The following PGLYRP4 variants were observed in gnomAD, a reference collection of about 807,000 sequenced individuals.
PGLYRP4 encodes the protein peptidoglycan recognition protein 4.
A neutral mutation model predicts 41.2 loss-of-function variants in PGLYRP4; 39 were observed. That is an observed-to-expected ratio of 0.95 (90% CI 0.73 to 1.24). The LOEUF is 1.24. PGLYRP4 is among the 50% of genes most tolerant of loss of function. PGLYRP4 has a pLI of 0.00. For synonymous variants in PGLYRP4, 202 were observed against 186.8 expected (o/e 1.08, Z -0.66); for missense variants, 467 against 460.7 (o/e 1.01, Z -0.13).
Position 153,347,879 on chromosome 1 carries a change from C to T in PGLYRP4, c.49+5G>A, listed in dbSNP as rs746660716. ...TGCTTTTTGGCCCAGGGAAAGAAAA[C>T]TTACCCCAGGCCTGGATACCCAGAG... is the stretch of plus-strand genomic sequence containing the variant. On this transcript the variant is annotated splice_donor_5th_base_variant and intron_variant, in intron 2 of 8. Transcript: ENST00000359650. 7 of 1,611,546 alleles carry T rather than the reference C, an allele frequency of 4.3e-6. No individual in the cohort carries two copies. The highest frequency in any genetic ancestry group is 2.7e-5 in the African/African-American group (2 of 74,858).
rs893891568 is a variant in PGLYRP4 at position 153,347,682 on chromosome 1, AG to A, written c.49+201del. ...CCACCACCCCTGGCCAAGAGAGAGTAGTTTTTTTTGTTGTTGTTTGTTTGTT... is the reference window on the plus strand; with the variant it reads ...CCACCACCCCTGGCCAAGAGAGAGTATTTTTTTTGTTGTTGTTTGTTTGTT... On this transcript the variant is annotated intron_variant, in intron 2 of 8. Coordinates refer to ENST00000359650, the MANE Select transcript of PGLYRP4 (RefSeq NM_020393.4). Among the ~76,000 whole-genome samples the A allele has an allele frequency of 2.0e-5, 3 of 149,888 alleles. No homozygotes were observed. In the East Asian group the frequency reaches 6.1e-4, roughly 30 times the overall value.
intron 7 of PGLYRP4, among the ~76,000 whole-genome samples, chr1:153,338,587 A>C (rs1660663890): frequency 6.6e-6 from 1 of 152,220 alleles, no homozygotes; most frequent in East Asian, 1.9e-4. Context: ...CCTCCCCAGC[A>C]TCAGCTCTAC....
At chr1:153,335,183 A>G (rs1466993909) in intron 8 of PGLYRP4, among the ~76,000 whole-genome samples, 2 of 151,524 alleles carry the variant, frequency 1.3e-5, no homozygotes, top group Non-Finnish European at 2.9e-5. Flanking sequence ...AACAAAAACA[A>G]AAAAGACAAA....
chr1:153,343,125 A>G lies in PGLYRP4; in HGVS notation c.437T>C (p.Ile146Thr), dbSNP rs1557829822. The G allele has an allele frequency of 1.2e-6, 2 of 1,613,170 alleles. No homozygotes were observed. Among genetic ancestry groups the G allele is most frequent in the Non-Finnish European group, 1.7e-6 (2 of 1,179,246 alleles). ...QGVHTQGYNN[I>T]SLGFAFFGTK... ...GCCAAAGAAGGCAAAGCCCAGGGAG[A>G]TGTTGTTGTAGCCTTGGGTGTGCAC... is the stretch of plus-strand genomic sequence containing the variant. The change falls in exon 5 of 9, where the codon ATC becomes ACC. Residue 146 changes from isoleucine to threonine, a missense_variant. Transcript: ENST00000359650.
At chr1:153,332,530 C>A (rs1209455469) in intron 8 of PGLYRP4, among the ~76,000 whole-genome samples, 1 of 152,088 alleles carries the variant, frequency 6.6e-6, no homozygotes, top group Non-Finnish European at 1.5e-5. Flanking sequence ...ATCAAATAGA[C>A]CTAGCAGACA....
At chr1:153,336,214 T>G (rs1660552715) in intron 8 of PGLYRP4, among the ~76,000 whole-genome samples, 1 of 151,218 alleles carries the variant, frequency 6.6e-6, no homozygotes, top group African/African-American at 2.4e-5. Context: ...CTACTAAAAA[T>G]GCAAAAATTA....
intron 8 of PGLYRP4, among the ~76,000 whole-genome samples, chr1:153,335,664 G>C (rs1241234111): frequency 6.7e-6 from 1 of 150,188 alleles, no homozygotes; most frequent in Admixed American, 6.6e-5. Flanking sequence ...GGCGGAGGTT[G>C]CAGTGAGCCG....
chr1:153,347,276 T>A (rs958000271), intron 2 of PGLYRP4, among the ~76,000 whole-genome samples: 1 of 151,950 alleles, frequency 6.6e-6, no homozygotes, highest in Non-Finnish European at 1.5e-5. Context: ...CTTGACCTCC[T>A]TATCTGCATG....
At chr1:153,339,748 G>A (rs770114495) in intron 7 of PGLYRP4, among the ~76,000 whole-genome samples, 3 of 144,160 alleles carry the variant, frequency 2.1e-5, no homozygotes. Flanking sequence ...AGAATTTTGA[G>A]ACCCTTTAAG....
In PGLYRP4 at chr1:153,340,704, G is replaced by C. The variant is rs968058775; in HGVS notation, c.626-125C>G. 11 of 839,584 alleles carry C rather than the reference G, an allele frequency of 1.3e-5. No homozygotes were observed. In the African/African-American group the frequency reaches 1.9e-4, roughly 14 times the overall value. 52.0% of individuals were successfully genotyped at this position (839,584 alleles called of 1,614,324 possible). A position where few individuals can be genotyped will look rare whatever the true frequency, so the allele number is the denominator to read the frequency against. On this transcript the variant is annotated intron_variant, in intron 6 of 8. Transcript: ENST00000359650. ...CAAACCCCTCTGGGTCTCCCACCCTGCCCCCAACCACCCTGCCCCCAACAG... is the reference window on the plus strand; with the variant it reads ...CAAACCCCTCTGGGTCTCCCACCCTCCCCCCAACCACCCTGCCCCCAACAG...
At chr1:153,334,317 TATAG>T (rs997047253) in intron 8 of PGLYRP4, among the ~76,000 whole-genome samples, 1 of 151,316 alleles carries the variant, frequency 6.6e-6, no homozygotes, top group Non-Finnish European at 1.5e-5. Flanking sequence ...TATAGATAGA[TATAG>T]ATAGATAAAT....
chr1:153,340,551 C>A lies in PGLYRP4; in HGVS notation c.654G>T (p.Val218=), dbSNP rs369538592. 5 of 1,613,992 alleles carry A rather than the reference C, an allele frequency of 3.1e-6. No individual in the cohort carries two copies. Among genetic ancestry groups the A allele is most frequent in the South Asian group, 2.2e-5 (2 of 91,086 alleles). The change falls in exon 7 of 9, where the codon GTG becomes GTT. Residue 218 remains valine, a synonymous_variant. Transcript: ENST00000359650. ...GACAGTGGGTCTCCCTGGCTCCCCA[C>A]ACAGACCGTGGGACAACGCCGGGGC... ...KACPGVVPRS[V]WGARETHCPR...
intron 3 of PGLYRP4, 65 bp from the exon 4 acceptor site, chr1:153,345,447 C>G: frequency 7.0e-7 from 1 of 1,434,118 alleles, no homozygotes; most frequent in Non-Finnish European, 9.8e-7. Flanking sequence ...GCTGAACATG[C>G]AGGCATGGGC....
At position 153,330,351 on chromosome 1, in the gene PGLYRP4, T is replaced by G. The variant is rs2570440; in HGVS notation, c.*416A>C. On this transcript the variant is annotated 3_prime_UTR_variant, in exon 9 of 9. Transcript: ENST00000359650. Reference sequence around the variant, plus strand: ...CAAGTTTATGTGTAAGCAAGGAAGGTTGGTCACGTTGACCTGAGTTATGGG... The same window carrying G: ...CAAGTTTATGTGTAAGCAAGGAAGGGTGGTCACGTTGACCTGAGTTATGGG... 0.85 allele frequency: 133,607 copies of G among 157,502 alleles called. 56,747 individuals are homozygous for G. Among genetic ancestry groups the G allele is most frequent in the Middle Eastern group, 0.88 (275 of 312 alleles). 9.8% of individuals were successfully genotyped at this position (157,502 alleles called of 1,614,324 possible).
At chr1:153,347,143 G>A (rs1172662894) in intron 2 of PGLYRP4, among the ~76,000 whole-genome samples, 1 of 151,278 alleles carries the variant, frequency 6.6e-6, no homozygotes, top group Non-Finnish European at 1.5e-5. Flanking sequence ...GCTCAATCTC[G>A]GCTCACTACA....
intron 8 of PGLYRP4, chr1:153,331,728 T>C (rs1660344902): frequency 6.6e-6 from 1 of 152,432 alleles, no homozygotes; most frequent in South Asian, 2.1e-4. Context: ...TCCATATTTG[T>C]ATGGAGAAAT....
intron 7 of PGLYRP4, among the ~76,000 whole-genome samples, chr1:153,339,756 A>C (rs114361223): frequency 5.4e-5 from 7 of 130,132 alleles, no homozygotes; most frequent in Non-Finnish European, 9.9e-5. Context: ...GAGACCCTTT[A>C]AGATAATGCT....
chr1:153,346,702 C>T (rs1369745714), intron 2 of PGLYRP4, among the ~76,000 whole-genome samples: 1 of 152,200 alleles, frequency 6.6e-6, no homozygotes. Context: ...GAGACCCTTA[C>T]CCACAAGGAG....
chr1:153,336,119 G>C (rs73014486), intron 8 of PGLYRP4, among the ~76,000 whole-genome samples: 1 of 151,734 alleles, frequency 6.6e-6, no homozygotes, highest in African/African-American at 2.4e-5. Context: ...TCGTGGCATG[G>C]TGGCTCACTT....
Sources: gnomAD v4.1 joint callset for allele counts (sites outside exome capture counted in the v4.1 genomes callset) on GRCh38, gnomAD v4.1.1 for gene constraint, MANE v1.5 for transcripts, NCBI Gene and HGNC (gene_info 2026-07-23, HGNC 2026-07-21) for gene names.